The following EXTL3 variants were observed in gnomAD, a reference collection of about 807,000 sequenced individuals.
EXTL3 encodes exostosin-like 3.
Under a neutral mutation model 69.3 loss-of-function variants are expected in EXTL3, and 27 were observed. The ratio of observed to expected loss-of-function variants is 0.39; its 90% CI spans 0.29 to 0.54. The LOEUF (loss-of-function observed/expected upper bound fraction) is 0.54, where lower values mean the gene tolerates loss of function less well. Among genes scored for constraint, EXTL3 ranks in the 20% least tolerant of loss-of-function variants. The pLI is 0.69. For missense variants in EXTL3, 1,003 were observed against 1,231.8 expected, an observed-to-expected ratio of 0.81 and a Z score of 2.78; for synonymous variants, 511 against 499.4, an observed-to-expected ratio of 1.02 and a Z score of -0.31.
At chr8:28,730,301 A>C (rs912413743) in intron 3 of EXTL3, 1 of 152,218 alleles carries the variant, frequency 6.6e-6, no homozygotes, top group Non-Finnish European at 1.5e-5. Context: ...ATTATTCTTC[A>C]TGAGATGCTC....
intron 1 of EXTL3, among the ~76,000 whole-genome samples, chr8:28,628,281 G>T (rs956380983): frequency 6.6e-6 from 1 of 152,164 alleles, no homozygotes; most frequent in Non-Finnish European, 1.5e-5. Flanking sequence ...AGAATCGCTC[G>T]AACCCAGGAG....
chr8:28,686,316 G>C (rs1202890639), intron 1 of EXTL3, among the ~76,000 whole-genome samples: 9 of 149,756 alleles, frequency 6.0e-5, no homozygotes, highest in Admixed American at 2.7e-4. Context: ...CAACATAACA[G>C]TATCCTCTCT....
chr8:28,739,348 A>G (rs1346195445), intron 5 of EXTL3, among the ~76,000 whole-genome samples: 1 of 152,128 alleles, frequency 6.6e-6, no homozygotes, highest in Non-Finnish European at 1.5e-5. Flanking sequence ...TAATTTTTTA[A>G]GACAGGGTCT....
intron 1 of EXTL3, among the ~76,000 whole-genome samples, chr8:28,664,673 A>G (rs1807166787): frequency 6.6e-6 from 1 of 152,062 alleles, no homozygotes; most frequent in Admixed American, 6.6e-5. Flanking sequence ...ATTTGAAGAT[A>G]TTGTTCCATT....
At chr8:28,720,632 G>T (rs1012377283) in intron 3 of EXTL3, among the ~76,000 whole-genome samples, 14 of 152,190 alleles carry the variant, frequency 9.2e-5, no homozygotes, top group African/African-American at 3.1e-4. Context: ...TGATTGAAAT[G>T]CTCTGTGTAA....
chr8:28,628,276 C>T (rs111328712), intron 1 of EXTL3, among the ~76,000 whole-genome samples: 4,680 of 152,212 alleles, frequency 0.031, 221 homozygotes, highest in African/African-American at 0.098. Context: ...GCAGGAGAAT[C>T]GCTCGAACCC....
intron 1 of EXTL3, among the ~76,000 whole-genome samples, chr8:28,634,070 G>C (rs1414347583): frequency 1.3e-5 from 2 of 152,250 alleles, no homozygotes; most frequent in East Asian, 1.9e-4. Context: ...GGGTTGAGGA[G>C]AGAAACAGGG....
At chr8:28,611,387 G>T (rs952914231) in intron 2 of EXTL3, among the ~76,000 whole-genome samples, 6 of 152,140 alleles carry the variant, frequency 3.9e-5, no homozygotes, top group Admixed American at 3.3e-4. Context: ...CCAGGAGGTA[G>T]AGGCTGCAGT....
Position 28,753,281 on chromosome 8 carries a change from C to A in EXTL3, c.*2415C>A, listed in dbSNP as rs1359119404. The A allele has an allele frequency of 2.0e-5, 3 of 152,258 alleles. No individual in the cohort carries two copies. The highest frequency in any genetic ancestry group is 2.1e-4 in the South Asian group (1 of 4,834). The allele number at this position is 152,258 out of a possible 1,614,324, so 9.4% of individuals were successfully genotyped here. A position where few individuals can be genotyped will look rare whatever the true frequency, so the allele number is the denominator to read the frequency against. ...TGAGATGGGAAAGCGGCGCCACAGA[C>A]CCCGGGTCTCCTTGGCTGTCTGTGG... is the stretch of plus-strand genomic sequence containing the variant. On this transcript the variant is annotated 3_prime_UTR_variant, in exon 7 of 7. Coordinates refer to ENST00000220562, the MANE Select transcript of EXTL3 (RefSeq NM_001440.4).
Position 28,752,319 on chromosome 8 carries a change from T to A in EXTL3, c.*1453T>A. 6.5e-6 allele frequency: 1 copy of A among 152,794 alleles called. No homozygotes were observed. The allele number at this position is 152,794 out of a possible 1,614,324, so 9.5% of individuals were successfully genotyped here. ...TCAGGGATTTAGCCCATGACGTGTT[T>A]CTTGAACCCTACTTTCTGGAAGTGG... On this transcript the variant is annotated 3_prime_UTR_variant, in exon 7 of 7. Coordinates refer to ENST00000220562, the MANE Select transcript of EXTL3 (RefSeq NM_001440.4).
intron 5 of EXTL3, 87 bp downstream of exon 5, chr8:28,737,750 C>T: frequency 7.3e-7 from 1 of 1,372,654 alleles, no homozygotes; most frequent in Non-Finnish European, 1.0e-6. Flanking sequence ...GCTTAGCTCT[C>T]CTAACGCTTC....
At chr8:28,709,928 G>T (rs1454487438) in intron 1 of EXTL3, among the ~76,000 whole-genome samples, 1 of 152,150 alleles carries the variant, frequency 6.6e-6, no homozygotes. Flanking sequence ...TCAGACTCTC[G>T]AATGGAGTGA....
intron 1 of EXTL3, among the ~76,000 whole-genome samples, chr8:28,630,521 G>A (rs1806556611): frequency 6.6e-6 from 1 of 152,100 alleles, no homozygotes; most frequent in African/African-American, 2.4e-5. Context: ...GTAAAACAAT[G>A]GCCAGCTTTG....
At chr8:28,631,365 A>G (rs998359868) in intron 1 of EXTL3, 1 of 152,170 alleles carries the variant, frequency 6.6e-6, no homozygotes, top group African/African-American at 2.4e-5. Flanking sequence ...GGATTCTGGG[A>G]GAGTCACTTT....
chr8:28,619,825 C>A (rs1252420620), upstream of EXTL3, among the ~76,000 whole-genome samples: 1 of 136,538 alleles, frequency 7.3e-6, no homozygotes, highest in South Asian at 2.4e-4. Flanking sequence ...ATCCGTACAC[C>A]GCCGACAGGG....
At chr8:28,702,124 T>TACCC (rs1800817729) in intron 1 of EXTL3, among the ~76,000 whole-genome samples, 1 of 152,120 alleles carries the variant, frequency 6.6e-6, no homozygotes, top group South Asian at 2.1e-4. Flanking sequence ...AGCTCCGGAC[T>TACCC]ACCCCCACCC....
At chr8:28,702,592 C>T (rs953092108) in intron 1 of EXTL3, among the ~76,000 whole-genome samples, 4 of 148,434 alleles carry the variant, frequency 2.7e-5, no homozygotes, top group African/African-American at 5.0e-5. Context: ...CCCGCCCTTC[C>T]CCGCAACCTG....
intron 1 of EXTL3, among the ~76,000 whole-genome samples, chr8:28,622,961 C>T (rs1451834344): frequency 1.3e-5 from 2 of 152,082 alleles, no homozygotes; most frequent in East Asian, 3.9e-4. Flanking sequence ...TTTTAAAACT[C>T]TTTGTCTGGC....
chr8:28,656,164 G>T (rs1362204081), intron 1 of EXTL3, among the ~76,000 whole-genome samples: 2 of 141,340 alleles, frequency 1.4e-5, no homozygotes, highest in Admixed American at 1.4e-4. Context: ...CAATCAGAAG[G>T]TTGTTCAACC....
Sources: allele counts gnomAD v4.1 joint callset (sites outside exome capture counted in the v4.1 genomes callset), GRCh38; gene constraint gnomAD v4.1.1; transcripts MANE v1.5; gene names NCBI Gene and HGNC (gene_info 2026-07-23, HGNC 2026-07-21).